PAX9: variants seen among roughly 807,000 people sequenced by gnomAD.
PAX9 encodes the protein paired box protein Pax-9.
In PAX9, 6 loss-of-function variants were observed where a neutral mutation model predicts 29.1. That is an observed-to-expected ratio of 0.21 (90% confidence interval 0.11 to 0.41). PAX9 has a LOEUF of 0.41. PAX9 is among the 10% of genes least tolerant of loss of function. The pLI, the probability that PAX9 is intolerant of heterozygous loss-of-function variation, is 1.00. For missense variants in PAX9, 443 were observed against 479.1 expected (o/e 0.92, Z 0.70); for synonymous variants, 217 against 211.7 (o/e 1.03, Z -0.22).
intron 2 of PAX9, among the ~76,000 whole-genome samples, chr14:36,664,662 A>T (rs1277234760): frequency 6.6e-6 from 1 of 151,714 alleles, no homozygotes; most frequent in Non-Finnish European, 1.5e-5. Context: ...TAATGTGTAG[A>T]TAGTCCACTT....
chr14:36,663,578 G>A (rs1185827456), intron 2 of PAX9, 55 bp downstream of exon 2: 11 of 1,605,082 alleles, frequency 6.9e-6, no homozygotes, highest in Admixed American at 1.7e-5. Flanking sequence ...CCGCACTCTC[G>A]CGGAGGTCCC....
intron 3 of PAX9, among the ~76,000 whole-genome samples, chr14:36,669,744 AC>A (rs1412179535): frequency 2.6e-5 from 4 of 152,054 alleles, no homozygotes; most frequent in Non-Finnish European, 4.4e-5. Flanking sequence ...CTATGCATAT[AC>A]CTATCTTTTG....
chr14:36,666,868 G>C (rs2139113216), intron 3 of PAX9, among the ~76,000 whole-genome samples: 2 of 152,328 alleles, frequency 1.3e-5, no homozygotes, highest in East Asian at 3.9e-4. Flanking sequence ...CCGGGGCGAG[G>C]CTCTGGGAAG....
upstream of PAX9, among the ~76,000 whole-genome samples, chr14:36,661,472 C>A (rs1881262116): frequency 6.6e-6 from 1 of 152,342 alleles, no homozygotes; most frequent in Admixed American, 6.5e-5. Flanking sequence ...AACTCCCTCA[C>A]CCCTGTGCAC....
intron 2 of PAX9, chr14:36,665,935 C>T (rs1054611818): frequency 6.3e-6 from 1 of 158,244 alleles, no homozygotes; most frequent in African/African-American, 2.4e-5. Flanking sequence ...AAGGACAGTG[C>T]AGGTCTTTTT....
Position 36,677,857 on chromosome 14 carries a change from A to C in PAX9, c.*1405A>C, listed in dbSNP as rs1211674194. ...ACTTTAATGTTAATAACAGTTGTGG[A>C]GTATATGTGTGTGTGAGCATGTGAG... On this transcript the variant is annotated 3_prime_UTR_variant, in exon 4 of 4. Coordinates refer to ENST00000361487, the MANE Select transcript of PAX9 (RefSeq NM_001372076.1). The C allele has an allele frequency of 1.3e-5, 2 of 152,228 alleles. No individual in the cohort carries two copies. The highest frequency in any genetic ancestry group is 4.8e-5 in the African/African-American group (2 of 41,454). The allele number at this position is 152,228 out of a possible 1,614,324, so 9.4% of individuals were successfully genotyped here. A position where few individuals can be genotyped will look rare whatever the true frequency, so the allele number is the denominator to read the frequency against.
upstream of PAX9, among the ~76,000 whole-genome samples, chr14:36,661,456 T>G (rs1379813888): frequency 1.3e-5 from 2 of 152,180 alleles, no homozygotes; most frequent in Admixed American, 1.3e-4. Flanking sequence ...CAGATTTTGC[T>G]AAGACAACTC....
Position 36,666,499 on chromosome 14 carries a change from G to C in PAX9, c.669G>C (p.Glu223Asp), listed in dbSNP as rs746246932. The change falls in exon 3 of 4, where the codon GAG becomes GAC. Residue 223 changes from glutamate to aspartate, a missense_variant. Coordinates refer to ENST00000361487, the MANE Select transcript of PAX9 (RefSeq NM_001372076.1). ...DSSPYHSPKV[E>D]EWSSLGRNNF... ...CCCCCTACCACAGCCCCAAGGTGGA[G>C]GAGTGGAGCAGCCTGGGCCGCAACA... 2 of 1,609,952 alleles carry C rather than the reference G, an allele frequency of 1.2e-6. No homozygotes were observed. The highest frequency in any genetic ancestry group is 1.7e-6 in the Non-Finnish European group (2 of 1,178,470).
chr14:36,661,832 T>G (rs1351797405), upstream of PAX9: 2 of 571,472 alleles, frequency 3.5e-6, no homozygotes. Flanking sequence ...CCCCAGTGAG[T>G]GATAGACGGA....
chr14:36,665,243 C>T (rs1881447183), intron 2 of PAX9, among the ~76,000 whole-genome samples: 1 of 149,520 alleles, frequency 6.7e-6, no homozygotes, highest in African/African-American at 2.5e-5. Context: ...ACCATCAGAG[C>T]AAATGTCAGT....
upstream of PAX9, among the ~76,000 whole-genome samples, chr14:36,659,132 T>G (rs1471101037): frequency 6.6e-6 from 1 of 152,224 alleles, no homozygotes; most frequent in Non-Finnish European, 1.5e-5. Flanking sequence ...ACTGGTGTTT[T>G]GGTTTTGGTC....
intron 3 of PAX9, 146 bp downstream of exon 3, chr14:36,666,747 G>C (rs1881511138): frequency 8.9e-7 from 1 of 1,125,832 alleles, no homozygotes; most frequent in Non-Finnish European, 1.3e-6. Context: ...GATCCTTCGT[G>C]GACTGGGGCG....
intron 3 of PAX9, among the ~76,000 whole-genome samples, chr14:36,667,078 C>T (rs1384834709): frequency 6.6e-6 from 1 of 152,194 alleles, no homozygotes; most frequent in Non-Finnish European, 1.5e-5. Context: ...ACTGCGGCTG[C>T]GGGGTCCTCA....
chr14:36,678,406 A>T lies in PAX9; in HGVS notation c.*1954A>T. The T allele has an allele frequency of 8.5e-7, 1 of 1,174,798 alleles. No homozygotes were observed. The highest frequency in any genetic ancestry group is 1.3e-5 in the South Asian group (1 of 76,470). 72.8% of individuals were successfully genotyped at this position (1,174,798 alleles called of 1,614,324 possible). On this transcript the variant is annotated 3_prime_UTR_variant, in exon 4 of 4. Coordinates refer to ENST00000361487, the MANE Select transcript of PAX9 (RefSeq NM_001372076.1). The stretch of plus-strand genomic sequence containing the variant: ...TTATAACTTCAGGAGAAGAATAAGC[A>T]GAAGGAGCAGATGAACTCTCAGGGC...
Position 36,676,376 on chromosome 14 carries a change from T to C in PAX9, c.950T>C (p.Ile317Thr). 6.2e-7 allele frequency: 1 copy of C among 1,614,162 alleles called. No homozygotes were observed. Among genetic ancestry groups the C allele is most frequent in the Non-Finnish European group, 8.5e-7 (1 of 1,180,022 alleles). The change falls in exon 4 of 4, where the codon ATT becomes ACT. Residue 317 changes from isoleucine to threonine, a missense_variant. This residue lies in a region of PAX9 where 336 missense variants were observed against 317.2 expected (regional missense o/e 1.06). Coordinates refer to ENST00000361487, the MANE Select transcript of PAX9 (RefSeq NM_001372076.1). The stretch of plus-strand genomic sequence containing the variant: ...TCATTGTCTCCCCACAACTGTGACA[T>C]TCCGGCATCGCTGGCGTTCAAGGGA... Reference protein sequence around the residue: ...GTSLSPHNCDIPASLAFKGMQ... With the variant: ...GTSLSPHNCDTPASLAFKGMQ...
intron 1 of PAX9, chr14:36,662,597 C>T (rs964547464): frequency 2.8e-5 from 14 of 504,576 alleles, no homozygotes; most frequent in African/African-American, 2.1e-4. Context: ...GGCGTCAAGA[C>T]CGATTTCTCC....
upstream of PAX9, among the ~76,000 whole-genome samples, chr14:36,660,386 C>T (rs1162335894): frequency 1.3e-5 from 2 of 152,184 alleles, no homozygotes; most frequent in Non-Finnish European, 2.9e-5. Flanking sequence ...GTGGGATTTC[C>T]CCCAAGATTC....
upstream of PAX9, chr14:36,661,598 C>T (rs1456646919): frequency 2.0e-5 from 4 of 199,262 alleles, no homozygotes; most frequent in Non-Finnish European, 3.1e-5. Context: ...TCAGACCAAA[C>T]GCTTTCATTT....
In PAX9 at chr14:36,679,164, G is replaced by C. The variant is rs1416100447; in HGVS notation, c.*2712G>C. On this transcript the variant is annotated 3_prime_UTR_variant, in exon 4 of 4. Coordinates refer to ENST00000361487, the MANE Select transcript of PAX9 (RefSeq NM_001372076.1). ...GGATAGAATGCAGTTGTGCAACAGAGACACATTCTTATTTCTTTTTTTTCA... is the reference window on the plus strand; with the variant it reads ...GGATAGAATGCAGTTGTGCAACAGACACACATTCTTATTTCTTTTTTTTCA... The C allele has an allele frequency of 1.0e-6, 1 of 985,252 alleles. No homozygotes were observed. 61.0% of individuals were successfully genotyped at this position (985,252 alleles called of 1,614,324 possible).
Sources: gnomAD v4.1 joint callset for allele counts (sites outside exome capture counted in the v4.1 genomes callset) on GRCh38, gnomAD v4.1.1 for gene constraint, gnomAD v4.1.1 regional missense constraint, MANE v1.5 for transcripts, NCBI Gene and HGNC (gene_info 2026-07-23, HGNC 2026-07-21) for gene names.